EPHB2: variants seen among roughly 807,000 people sequenced by gnomAD.
EPHB2 encodes the protein EPH receptor B2, also known as ephrin type-B receptor 2.
A neutral mutation model predicts 96.4 loss-of-function variants in EPHB2; 18 were observed. The ratio of observed to expected loss-of-function variants is 0.19; its 90% CI spans 0.13 to 0.28. EPHB2 has a LOEUF of 0.28. EPHB2 is among the 10% of genes least tolerant of loss of function. The probability of loss-of-function intolerance (pLI) is 1.00; values close to 1 mark genes in which losing one functional copy is unlikely to be tolerated. For synonymous variants in EPHB2, 506 were observed against 534.1 expected (o/e 0.95, Z 0.72); for missense variants, 989 against 1,355.4 (o/e 0.73, Z 4.25).
At chr1:22,711,628 A>G (rs1251165336) in intron 1 of EPHB2, among the ~76,000 whole-genome samples, 1 of 151,644 alleles carries the variant, frequency 6.6e-6, no homozygotes, top group Non-Finnish European at 1.5e-5. Context: ...CGCGGCGTAC[A>G]ATGGGGTCCC....
chr1:22,861,383 A>G (rs890527852), intron 3 of EPHB2, among the ~76,000 whole-genome samples: 1 of 152,132 alleles, frequency 6.6e-6, no homozygotes, highest in Non-Finnish European at 1.5e-5. Flanking sequence ...TTTGCTTGTA[A>G]TCCCAGCACT....
intron 3 of EPHB2, among the ~76,000 whole-genome samples, chr1:22,837,893 G>A (rs1181871845): frequency 2.0e-5 from 3 of 151,678 alleles, no homozygotes; most frequent in Non-Finnish European, 4.4e-5. Flanking sequence ...CCCACTGCTT[G>A]GGTCTAATGA....
At chr1:22,882,337 T>C in intron 5 of EPHB2, 22 bp from the exon 6 acceptor site, 1 of 1,613,006 alleles carries the variant, frequency 6.2e-7, no homozygotes, top group South Asian at 1.1e-5. Flanking sequence ...CCCTGATCCC[T>C]GACCTCTGGC....
At chr1:22,734,242 C>T (rs1557642677) in intron 1 of EPHB2, among the ~76,000 whole-genome samples, 2 of 152,120 alleles carry the variant, frequency 1.3e-5, no homozygotes, top group Admixed American at 6.6e-5. Flanking sequence ...AATCTTACCC[C>T]CCGGCACAGC....
rs114619959 is a variant in EPHB2, at chr1:22,844,274, A to G, written c.812-18763A>G. Among the ~76,000 whole-genome samples, 383 of 152,336 alleles carry G rather than the reference A, an allele frequency of 2.5e-3. 3 individuals carry two copies. The highest frequency in any genetic ancestry group is 8.9e-3 in the African/African-American group (371 of 41,590). Reference sequence around the variant, plus strand: ...CGTACATTGCCACACTGTTATTAAAACAGGCTTATTGCCCTTGTTTAACAC... The same window carrying G: ...CGTACATTGCCACACTGTTATTAAAGCAGGCTTATTGCCCTTGTTTAACAC... On this transcript the variant is annotated intron_variant, in intron 3 of 15. Transcript: ENST00000374630.
At chr1:22,781,820 A>G (rs936912913) in intron 2 of EPHB2, among the ~76,000 whole-genome samples, 3 of 152,164 alleles carry the variant, frequency 2.0e-5, no homozygotes, top group Admixed American at 6.5e-5. Context: ...TCTATGTCAG[A>G]TACTGTATTA....
intron 1 of EPHB2, among the ~76,000 whole-genome samples, chr1:22,761,338 G>A (rs182144554): frequency 6.6e-6 from 1 of 152,154 alleles, no homozygotes; most frequent in South Asian, 2.1e-4. Flanking sequence ...GAGGGATCGT[G>A]GGGGGAGATA....
At chr1:22,754,158 G>A (rs1043461935) in intron 1 of EPHB2, among the ~76,000 whole-genome samples, 2 of 151,582 alleles carry the variant, frequency 1.3e-5, no homozygotes, top group Non-Finnish European at 1.5e-5. Context: ...CAGGCAGCCA[G>A]GAAGCTTTCA....
intron 13 of EPHB2, among the ~76,000 whole-genome samples, chr1:22,909,657 G>C (rs1273337783): frequency 1.3e-5 from 2 of 152,212 alleles, no homozygotes; most frequent in East Asian, 3.9e-4. Flanking sequence ...GGAGACTTGA[G>C]GGCTTCCAGT....
chr1:22,786,666 A>C (rs1377483616), intron 3 of EPHB2, among the ~76,000 whole-genome samples: 1 of 152,222 alleles, frequency 6.6e-6, no homozygotes, highest in African/African-American at 2.4e-5. Flanking sequence ...CATTGTTTTC[A>C]TCTCAAGAGA....
intron 1 of EPHB2, 32 bp from the exon 2 acceptor site, chr1:22,781,389 G>A (rs1644530133): frequency 6.2e-7 from 1 of 1,610,650 alleles, no homozygotes; most frequent in Non-Finnish European, 8.5e-7. Flanking sequence ...TGGTAGGTGG[G>A]GCGGGGTGGT....
chr1:22,741,902 A>G (rs10917287), intron 1 of EPHB2, among the ~76,000 whole-genome samples: 97,816 of 151,780 alleles, frequency 0.64, 31,834 homozygotes, highest in East Asian at 0.79. Context: ...CCTGCCCCCA[A>G]TGGGGAAGTG....
At chr1:22,765,104 G>A (rs950080868) in intron 1 of EPHB2, among the ~76,000 whole-genome samples, 5 of 152,126 alleles carry the variant, frequency 3.3e-5, no homozygotes, top group African/African-American at 4.8e-5. Flanking sequence ...GTGAGGGTGA[G>A]GAGCCGGACA....
At chr1:22,760,447 A>T (rs974252840) in intron 1 of EPHB2, among the ~76,000 whole-genome samples, 1 of 152,144 alleles carries the variant, frequency 6.6e-6, no homozygotes, top group African/African-American at 2.4e-5. Context: ...GATGACATCT[A>T]TTTTGGTTTT....
At position 22,810,561 on chromosome 1, in the gene EPHB2, C is replaced by T. The variant is rs181074507; in HGVS notation, c.811+25485C>T. Among the ~76,000 whole-genome samples the T allele has an allele frequency of 4.8e-3, 734 of 152,338 alleles. 10 individuals carry two copies. The highest frequency in any genetic ancestry group is 0.017 in the African/African-American group (688 of 41,578). ...AGAGGTTGTCCTTACACCTCTGCATCCTAGAGTTCTCTGAGAGAATGAGTG... is the reference window on the plus strand; with the variant it reads ...AGAGGTTGTCCTTACACCTCTGCATTCTAGAGTTCTCTGAGAGAATGAGTG... On this transcript the variant is annotated intron_variant, in intron 3 of 15. Coordinates refer to ENST00000374630, the MANE Select transcript of EPHB2 (RefSeq NM_017449.5).
At position 22,796,664 on chromosome 1, in the gene EPHB2, C is replaced by T. The variant is rs1426025068; in HGVS notation, c.811+11588C>T. On this transcript the variant is annotated intron_variant, in intron 3 of 15. Transcript: ENST00000374630. ...TAGATGAAATGACTTGTCTGGGGAC[C>T]GGCACTCAAACTCAGGGTCTGACGC... 2.0e-5 allele frequency among the ~76,000 whole-genome samples: 3 copies of T among 152,168 alleles called. No homozygotes were observed. The East Asian group carries it at 5.8e-4, about 29-fold the overall frequency.
intron 1 of EPHB2, among the ~76,000 whole-genome samples, chr1:22,735,757 A>C (rs1323052745): frequency 1.3e-5 from 2 of 152,010 alleles, no homozygotes; most frequent in Non-Finnish European, 2.9e-5. Context: ...TCCTCTTCCC[A>C]CCCTGGGACA....
At chr1:22,742,963 C>T (rs1643922667) in intron 1 of EPHB2, among the ~76,000 whole-genome samples, 1 of 150,942 alleles carries the variant, frequency 6.6e-6, no homozygotes, top group Admixed American at 6.6e-5. Context: ...CTTATCATGG[C>T]TCACTGCAGC....
Position 22,895,484 on chromosome 1 carries a change from C to T in EPHB2, c.1604C>T (p.Thr535Ile), listed in dbSNP as rs748199133. The T allele has an allele frequency of 1.2e-6, 2 of 1,614,146 alleles. No homozygotes were observed. The highest frequency in any genetic ancestry group is 1.7e-6 in the Non-Finnish European group (2 of 1,180,052). Residue 535 changes from threonine to isoleucine, a missense_variant, in exon 8 of 16, where the codon ACA (threonine) becomes ATA (isoleucine). Physicochemically the swap from Thr to Ile is moderately conservative, Grantham distance 89. Transcript: ENST00000374630. ...GCTTTCTCCCCAGCCGAGTACCAGA[C>T]AAGCATCCAGGAGAAGTTGCCACTC... Reference protein sequence around the residue: ...FQTMTEAEYQTSIQEKLPLII... With the variant: ...FQTMTEAEYQISIQEKLPLII...
Sources: allele counts gnomAD v4.1 joint callset (sites outside exome capture counted in the v4.1 genomes callset), GRCh38; gene constraint gnomAD v4.1.1; transcripts MANE v1.5; gene names NCBI Gene and HGNC (gene_info 2026-07-23, HGNC 2026-07-21).